MAP7: variants seen among roughly 807,000 people sequenced by gnomAD.
MAP7 encodes ensconsin.
Under a neutral mutation model 94.8 loss-of-function variants are expected in MAP7, and 52 were observed. The ratio of observed to expected loss-of-function variants is 0.55; its 90% CI spans 0.44 to 0.69. The LOEUF (loss-of-function observed/expected upper bound fraction) is 0.69. MAP7 is among the 30% of genes least tolerant of loss of function. The pLI is 0.00. For missense variants in MAP7, 940 were observed against 964.6 expected (o/e 0.97, Z 0.34); for synonymous variants, 350 against 357.0 (o/e 0.98, Z 0.22).
chr6:136,509,207 T>G (rs1822502582), intron 1 of MAP7, among the ~76,000 whole-genome samples: 1 of 152,222 alleles, frequency 6.6e-6, no homozygotes, highest in African/African-American at 2.4e-5. Flanking sequence ...CCTTTGACAC[T>G]CAGGATTTAG....
chr6:136,463,690 A>T (rs1184052334), intron 1 of MAP7, among the ~76,000 whole-genome samples: 1 of 152,170 alleles, frequency 6.6e-6, no homozygotes, highest in Non-Finnish European at 1.5e-5. Flanking sequence ...CTTGTGCATA[A>T]CTTCCTTGAT....
chr6:136,437,425 G>T (rs1203447906), intron 1 of MAP7, among the ~76,000 whole-genome samples: 1 of 152,110 alleles, frequency 6.6e-6, no homozygotes, highest in Admixed American at 6.5e-5. Flanking sequence ...TCACTGTGTT[G>T]CATAATTCTT....
intron 1 of MAP7, among the ~76,000 whole-genome samples, chr6:136,455,470 C>T (rs1244159171): frequency 6.6e-6 from 1 of 152,008 alleles, no homozygotes; most frequent in East Asian, 1.9e-4. Flanking sequence ...TTGAAAAACA[C>T]GATAGACCAA....
At position 136,377,869 on chromosome 6, in the gene MAP7, C is replaced by A. The variant is rs1388673622; in HGVS notation, c.638-1G>T. On this transcript the variant is annotated splice_acceptor_variant, in intron 6 of 17. Transcript: ENST00000354570. LOFTEE classifies it high-confidence loss of function. Reference sequence around the variant, plus strand: ...CATGGGCTGAGCTGCAGGCGGCGAGCTAAACGTCACCACATAAGCAAGATG... The same window carrying A: ...CATGGGCTGAGCTGCAGGCGGCGAGATAAACGTCACCACATAAGCAAGATG... 6.2e-7 allele frequency: 1 copy of A among 1,607,364 alleles called. No individual in the cohort carries two copies. Among genetic ancestry groups the A allele is most frequent in the East Asian group, 2.2e-5 (1 of 44,810 alleles).
chr6:136,375,847 A>G (rs898219810), intron 7 of MAP7, among the ~76,000 whole-genome samples: 2 of 152,234 alleles, frequency 1.3e-5, no homozygotes, highest in African/African-American at 4.8e-5. Flanking sequence ...TTTGCAGATA[A>G]AAAAGCACCT....
intron 1 of MAP7, among the ~76,000 whole-genome samples, chr6:136,432,114 C>T (rs1416511737): frequency 1.3e-5 from 2 of 152,118 alleles, no homozygotes; most frequent in African/African-American, 2.4e-5. Flanking sequence ...GTATCAGCAA[C>T]TCTTCACTTC....
intron 1 of MAP7, among the ~76,000 whole-genome samples, chr6:136,499,918 C>T (rs372490880): frequency 2.2e-4 from 33 of 152,158 alleles, no homozygotes; most frequent in African/African-American, 7.7e-4. Context: ...ACTGCTTGAG[C>T]CTGGGAGGTC....
Position 136,362,663 on chromosome 6 carries a change from G to T in MAP7, c.1313C>A (p.Ala438Asp). 6.2e-7 allele frequency: 1 copy of T among 1,608,520 alleles called. No homozygotes were observed. Among genetic ancestry groups the T allele is most frequent in the Non-Finnish European group, 8.5e-7 (1 of 1,177,790 alleles). Residue 438 changes from alanine (A) to aspartate (D), a missense_variant, in exon 11 of 18, where the codon GCT (alanine) becomes GAT (aspartate). Transcript: ENST00000354570. Reference protein sequence around the residue: ...AMAPAPASAPAPASAPAPAPV... With the variant: ...AMAPAPASAPDPASAPAPAPV... ...GGCTGGAGCTGGGGCCGAGGCTGGA[G>T]CTGGGGCCGAGGCTGGAGCTGGGGC...
At chr6:136,360,635 T>TA in intron 13 of MAP7, 62 bp downstream of exon 13, 1 of 1,437,346 alleles carries the variant, frequency 7.0e-7, no homozygotes, top group Non-Finnish European at 9.8e-7. Flanking sequence ...CGGCCAGGGC[T>TA]AGTCTCTGGG....
intron 2 of MAP7, among the ~76,000 whole-genome samples, chr6:136,421,088 G>C (rs923408211): frequency 3.9e-5 from 6 of 152,056 alleles, no homozygotes; most frequent in African/African-American, 1.2e-4. Flanking sequence ...CTGCACTGTC[G>C]GTTCAATTGT....
intron 1 of MAP7, among the ~76,000 whole-genome samples, chr6:136,454,431 T>C (rs186602135): frequency 4.2e-4 from 64 of 151,832 alleles, no homozygotes; most frequent in African/African-American, 1.5e-3. Context: ...CCCAGCCTTC[T>C]AAGTAACTGG....
chr6:136,496,769 G>A lies in MAP7; in HGVS notation c.67+53573C>T, dbSNP rs946855196. Among the ~76,000 whole-genome samples the A allele has an allele frequency of 7.6e-4, 90 of 117,686 alleles. 1 individual carries two copies. In the Admixed American group the frequency reaches 8.3e-3, roughly 11 times the overall value. 77.2% of individuals were successfully genotyped at this position (117,686 alleles called of 152,430 possible). On this transcript the variant is annotated intron_variant, in intron 1 of 17. Transcript: ENST00000354570. ...AGCCTGGCCAACAAGGTGAAACCCCGTCTCTACTAAAAAAAAAAAAAAAAA... is the reference window on the plus strand; with the variant it reads ...AGCCTGGCCAACAAGGTGAAACCCCATCTCTACTAAAAAAAAAAAAAAAAA...
rs183631026 is a variant in MAP7, at chr6:136,479,991, C to A, written c.68-58192G>T. Among the ~76,000 whole-genome samples the A allele has an allele frequency of 9.2e-3, 1,403 of 152,194 alleles. 19 individuals are homozygous for A. Among genetic ancestry groups the A allele is most frequent in the African/African-American group, 0.032 (1,327 of 41,522 alleles). On this transcript the variant is annotated intron_variant, in intron 1 of 17. Coordinates refer to ENST00000354570, the MANE Select transcript of MAP7 (RefSeq NM_003980.6). ...GACATTCTTCACAGAAATAGAAAAA[C>A]AATCCTAAAATTTATTTGGAACCAC...
intron 13 of MAP7, 93 bp from the exon 14 acceptor site, chr6:136,360,124 T>G: frequency 9.6e-7 from 1 of 1,044,220 alleles, no homozygotes; most frequent in Non-Finnish European, 1.4e-6. Context: ...TTTAAAATGG[T>G]CTGTTATTTT....
chr6:136,494,069 G>A (rs1328525171), intron 1 of MAP7, among the ~76,000 whole-genome samples: 1 of 152,146 alleles, frequency 6.6e-6, no homozygotes, highest in Non-Finnish European at 1.5e-5. Flanking sequence ...TGAAATCTAT[G>A]ACATGGAAGA....
chr6:136,393,387 A>T (rs909731171), intron 3 of MAP7, among the ~76,000 whole-genome samples: 1 of 152,148 alleles, frequency 6.6e-6, no homozygotes, highest in African/African-American at 2.4e-5. Context: ...GGGAAGGGGA[A>T]AATGTCTAGT....
chr6:136,375,684 G>A (rs548578686), intron 7 of MAP7, among the ~76,000 whole-genome samples: 1 of 152,240 alleles, frequency 6.6e-6, no homozygotes, highest in Middle Eastern at 3.4e-3. Context: ...AACATAAGCT[G>A]TATCGATGAA....
chr6:136,538,959 C>A (rs1310827284), intron 1 of MAP7, among the ~76,000 whole-genome samples: 1 of 152,070 alleles, frequency 6.6e-6, no homozygotes, highest in Admixed American at 6.6e-5. Context: ...TGCCTTTGAT[C>A]CCAGTGCCAG....
At chr6:136,361,682 C>T (rs1318277445) in intron 11 of MAP7, among the ~76,000 whole-genome samples, 2 of 152,112 alleles carry the variant, frequency 1.3e-5, no homozygotes, top group Non-Finnish European at 2.9e-5. Flanking sequence ...CAGTTGTGTT[C>T]GTTTGAAGAA....
Sources: allele counts gnomAD v4.1 joint callset (sites outside exome capture counted in the v4.1 genomes callset), GRCh38; gene constraint gnomAD v4.1.1; transcripts MANE v1.5; gene names NCBI Gene and HGNC (gene_info 2026-07-23, HGNC 2026-07-21).